OPHN1: variants seen among roughly 807,000 people sequenced by gnomAD.
OPHN1 encodes the protein oligophrenin-1.
In OPHN1, 11 loss-of-function variants were observed where a neutral mutation model predicts 60.7. That is an observed-to-expected ratio of 0.18 (90% CI 0.11 to 0.30). The LOEUF (loss-of-function observed/expected upper bound fraction) is 0.30, where lower values mean the gene tolerates loss of function less well. Among genes scored for constraint, OPHN1 ranks in the 10% least tolerant of loss-of-function variants. The pLI, the probability that OPHN1 is intolerant of heterozygous loss-of-function variation, is 1.00. For missense variants in OPHN1, 449 were observed against 611.0 expected (o/e 0.73, Z 2.80); for synonymous variants, 226 against 222.6 (o/e 1.02, Z -0.14).
At chrX:68,149,888 G>A (rs756517442) in intron 15 of OPHN1, among the ~76,000 whole-genome samples, 23 of 111,224 alleles carry the variant, frequency 2.1e-4, no homozygotes, top group East Asian at 1.7e-3. Context: ...ACTAAAAGGC[G>A]GAAACAGCTC....
intron 2 of OPHN1, among the ~76,000 whole-genome samples, chrX:68,421,017 T>C (rs1602408549): frequency 9.0e-6 from 1 of 111,166 alleles, no homozygotes; most frequent in Non-Finnish European, 1.9e-5. Context: ...GGTTTCCTCA[T>C]CTGAAATATG....
intron 2 of OPHN1, among the ~76,000 whole-genome samples, chrX:68,318,519 T>C (rs1383501473): frequency 8.9e-6 from 1 of 112,465 alleles, no homozygotes; most frequent in Non-Finnish European, 1.9e-5. Context: ...GCCCCACTGA[T>C]TATTTTAAAT....
chrX:68,393,885 G>GTTTTTTTTT (rs1163192446), intron 2 of OPHN1, among the ~76,000 whole-genome samples: 700 of 34,600 alleles, frequency 0.02, 251 homozygotes, highest in Non-Finnish European at 0.029. Context: ...AATAGACTTT[G>GTTTTTTTTT]TTTTTTTTTT....
intron 18 of OPHN1, among the ~76,000 whole-genome samples, chrX:68,111,232 G>A (rs1392567516): frequency 8.9e-6 from 1 of 111,936 alleles, no homozygotes; most frequent in African/African-American, 3.2e-5. Flanking sequence ...AATGCTTTCC[G>A]CCTTTTTTAA....
rs180704312 is a variant in OPHN1, at chrX:68,179,167, T to C, written c.1276+13752A>G. ...CATTTTATTATACAATTTATTGTTG[T>C]ATATAGGAAAGAAATTTCAATCAAC... On this transcript the variant is annotated intron_variant, in intron 15 of 24. Transcript: ENST00000355520. Among the ~76,000 whole-genome samples the C allele has an allele frequency of 3.7e-5, 4 of 108,822 alleles. No homozygotes were observed. The Admixed American group carries it at 4.1e-4, about 11-fold the overall frequency. The allele number at this position is 108,822 out of a possible 115,157, so 94.5% of individuals were successfully genotyped here. A position where few individuals can be genotyped will look rare whatever the true frequency, so the allele number is the denominator to read the frequency against.
chrX:68,121,839 A>G (rs1047552901), intron 15 of OPHN1, among the ~76,000 whole-genome samples: 1 of 107,627 alleles, frequency 9.3e-6, no homozygotes, highest in African/African-American at 3.4e-5. Flanking sequence ...TAGCTCAGCC[A>G]CAGTAGCCTA....
chrX:68,087,915 C>T (rs1348730885), intron 19 of OPHN1, among the ~76,000 whole-genome samples: 1 of 111,756 alleles, frequency 8.9e-6, no homozygotes, highest in Non-Finnish European at 1.9e-5. Context: ...AGTGTGTCAC[C>T]GAGTTTGCTT....
At chrX:68,399,601 G>A (rs1168213446) in intron 2 of OPHN1, among the ~76,000 whole-genome samples, 1 of 111,566 alleles carries the variant, frequency 9.0e-6, no homozygotes, top group East Asian at 2.8e-4. Flanking sequence ...CCAGGAGGTA[G>A]AGGTTGCAGT....
chrX:68,357,307 T>G (rs373168281), intron 2 of OPHN1, among the ~76,000 whole-genome samples: 1 of 111,590 alleles, frequency 9.0e-6, no homozygotes, highest in African/African-American at 3.3e-5. Flanking sequence ...AACGTGCAGG[T>G]TTGTTACATA....
intron 2 of OPHN1, among the ~76,000 whole-genome samples, chrX:68,389,394 C>T (rs907361484): frequency 9.3e-6 from 1 of 107,898 alleles, no homozygotes; most frequent in Admixed American, 1.0e-4. Context: ...ATGGTGAAAC[C>T]CCATCTCTAC....
intron 5 of OPHN1, among the ~76,000 whole-genome samples, chrX:68,264,451 T>G (rs1046608249): frequency 9.0e-6 from 1 of 111,656 alleles, no homozygotes; most frequent in Non-Finnish European, 1.9e-5. Context: ...GCAAAGGATA[T>G]GAACAGACAC....
intron 2 of OPHN1, among the ~76,000 whole-genome samples, chrX:68,376,169 A>G (rs995399328): frequency 9.0e-6 from 1 of 111,657 alleles, no homozygotes; most frequent in Non-Finnish European, 1.9e-5. Context: ...CAATCCTAGC[A>G]CTAAGAACCA....
rs772762293 is a variant in OPHN1 at position 68,095,681 on chromosome X, C to A, written c.1686+1189G>T. 2.7e-5 allele frequency among the ~76,000 whole-genome samples: 3 copies of A among 111,356 alleles called. No individual in the cohort carries two copies. The Admixed American group carries it at 2.9e-4, about 11-fold the overall frequency. On this transcript the variant is annotated intron_variant, in intron 19 of 24. Transcript: ENST00000355520. ...AGGATTCAGAAATCTCCCTCTCCCC[C>A]ATCCTTGGTGACTTCCAGTCACCAA...
At chrX:68,163,392 ATC>A (rs1412239314) in intron 15 of OPHN1, among the ~76,000 whole-genome samples, 53 of 107,829 alleles carry the variant, frequency 4.9e-4, no homozygotes, top group African/African-American at 1.8e-3. Context: ...CAAATGGCAC[ATC>A]TCTTTCTTTT....
intron 2 of OPHN1, chrX:68,336,296 A>G (rs2078321952): frequency 9.0e-6 from 1 of 110,677 alleles, no homozygotes; most frequent in Admixed American, 9.8e-5. Flanking sequence ...GCCGAGGCAA[A>G]AGGATTGCTT....
chrX:68,179,996 AT>A (rs1332010229), intron 15 of OPHN1, among the ~76,000 whole-genome samples: 2 of 111,322 alleles, frequency 1.8e-5, no homozygotes, highest in Admixed American at 1.9e-4. Context: ...TGATAACATT[AT>A]AGTGGCAGAT....
At chrX:68,133,544 C>T in intron 15 of OPHN1, 1 of 424,638 alleles carries the variant, frequency 2.4e-6, no homozygotes, top group Non-Finnish European at 4.5e-6. Flanking sequence ...AATTTTGCAT[C>T]CTGAGAACAC....
At chrX:68,375,573 C>T (rs7058192) in intron 2 of OPHN1, among the ~76,000 whole-genome samples, 2,665 of 110,981 alleles carry the variant, frequency 0.024, 73 homozygotes, top group African/African-American at 0.083. Flanking sequence ...CAGGAACTGT[C>T]TCCGCTTTTT....
chrX:68,287,156 GGAAA>G (rs538783611), intron 3 of OPHN1, among the ~76,000 whole-genome samples: 490 of 72,884 alleles, frequency 6.7e-3, no homozygotes, highest in South Asian at 0.012. Flanking sequence ...GAAGAAAGAA[GGAAA>G]GAAAGAAAGA....
Sources: allele counts gnomAD v4.1 joint callset (sites outside exome capture counted in the v4.1 genomes callset), GRCh38; gene constraint gnomAD v4.1.1; transcripts MANE v1.5; gene names NCBI Gene and HGNC (gene_info 2026-07-23, HGNC 2026-07-21).